The following ELMO1 variants were observed in gnomAD, a reference collection of about 807,000 sequenced individuals.
ELMO1 encodes the protein engulfment and cell motility 1.
Under a neutral mutation model 98.9 loss-of-function variants are expected in ELMO1, and 26 were observed. The observed-to-expected ratio is 0.26, with a 90% CI of 0.19 to 0.36. The LOEUF is 0.36. Among genes scored for constraint, ELMO1 ranks in the 10% least tolerant of loss-of-function variants. The pLI, the probability that ELMO1 is intolerant of heterozygous loss-of-function variation, is 1.00. For missense variants in ELMO1, 627 were observed against 935.2 expected, an observed-to-expected ratio of 0.67 and a Z score of 4.30; for synonymous variants, 346 against 346.0, an observed-to-expected ratio of 1.00 and a Z score of 0.00.
At chr7:36,876,556 T>C (rs1358129718) in intron 19 of ELMO1, among the ~76,000 whole-genome samples, 2 of 152,160 alleles carry the variant, frequency 1.3e-5, no homozygotes, top group African/African-American at 4.8e-5. Context: ...AAAACAGAGA[T>C]GGCTGGTCCC....
chr7:37,164,649 G>A (rs1459851650), intron 13 of ELMO1, among the ~76,000 whole-genome samples: 1 of 151,762 alleles, frequency 6.6e-6, no homozygotes, highest in Non-Finnish European at 1.5e-5. Context: ...GATAGTTGTA[G>A]ATATGTGGCA....
At chr7:37,333,387 T>C (rs1194791684) in intron 2 of ELMO1, among the ~76,000 whole-genome samples, 2 of 152,182 alleles carry the variant, frequency 1.3e-5, no homozygotes, top group Non-Finnish European at 1.5e-5. Context: ...AAGAGTGTCC[T>C]GAGTTGCCCG....
chr7:36,889,412 A>C (rs1401137885), intron 17 of ELMO1, among the ~76,000 whole-genome samples: 1 of 152,182 alleles, frequency 6.6e-6, no homozygotes, highest in East Asian at 1.9e-4. Flanking sequence ...CTGAGTGGAA[A>C]AGAAAGTGGG....
chr7:37,397,201 C>A (rs1185725807), intron 1 of ELMO1, among the ~76,000 whole-genome samples: 4 of 152,214 alleles, frequency 2.6e-5, no homozygotes, highest in African/African-American at 9.6e-5. Context: ...ATAAGACCCA[C>A]AAAAAACTTA....
intron 16 of ELMO1, among the ~76,000 whole-genome samples, chr7:36,970,180 A>AACACACAC (rs56928749): frequency 0.015 from 2,219 of 144,314 alleles, 55 homozygotes; most frequent in African/African-American, 0.052. Flanking sequence ...TCATACACTT[A>AACACACAC]ACACACACAC....
rs560079780 is a variant in ELMO1, at chr7:37,342,824, T to G, written c.-73-61A>C. 2.6e-4 allele frequency: 209 copies of G among 803,476 alleles called. No homozygotes were observed. In the African/African-American group the frequency reaches 3.5e-3, roughly 14 times the overall value. 49.8% of individuals were successfully genotyped at this position (803,476 alleles called of 1,614,324 possible). A position where few individuals can be genotyped will look rare whatever the true frequency, so the allele number is the denominator to read the frequency against. On this transcript the variant is annotated intron_variant, in intron 1 of 21. Transcript: ENST00000310758. This position sits in a 1 kb window ranked among gnomAD's most constrained non-coding sequence, Gnocchi z 4.3. ...CTCAGTGCAGATGCAGGGTGAATTT[T>G]GCTTCATCACTTCCTGTTTTCACTG...
chr7:37,024,217 C>T (rs1048778089), intron 15 of ELMO1, among the ~76,000 whole-genome samples: 4 of 152,194 alleles, frequency 2.6e-5, no homozygotes, highest in African/African-American at 4.8e-5. Flanking sequence ...TGGATCCTGG[C>T]ACTGCCACTT....
rs111751602 is a variant in ELMO1, at chr7:37,442,450, T to G, written c.-74+6225A>C. Among the ~76,000 whole-genome samples, 603 of 152,302 alleles carry G rather than the reference T, an allele frequency of 4.0e-3. 6 individuals carry two copies. The highest frequency in any genetic ancestry group is 0.014 in the African/African-American group (580 of 41,570). Reference sequence around the variant, plus strand: ...TATATTCCCCTTCCAACTGGTTCCTTCCCAGGTGGTTCCATGCTTTTGCCT... The same window carrying G: ...TATATTCCCCTTCCAACTGGTTCCTGCCCAGGTGGTTCCATGCTTTTGCCT... On this transcript the variant is annotated intron_variant, in intron 1 of 21. Transcript: ENST00000310758.
intron 14 of ELMO1, among the ~76,000 whole-genome samples, chr7:37,106,501 C>A (rs1784955823): frequency 6.6e-6 from 1 of 152,088 alleles, no homozygotes; most frequent in South Asian, 2.1e-4. Flanking sequence ...CCCGCTGATG[C>A]CTTAATCTTG....
chr7:37,200,839 C>T (rs998493840), intron 13 of ELMO1, among the ~76,000 whole-genome samples: 1 of 151,412 alleles, frequency 6.6e-6, no homozygotes, highest in Non-Finnish European at 1.5e-5. Context: ...TGGTGGTGAG[C>T]GCCTGTGGTC....
intron 1 of ELMO1, among the ~76,000 whole-genome samples, chr7:37,425,539 G>A (rs1461688682): frequency 1.3e-5 from 2 of 152,302 alleles, no homozygotes; most frequent in South Asian, 4.1e-4. Context: ...TTCCCAGCAT[G>A]CTTGGCACAT....
intron 8 of ELMO1, among the ~76,000 whole-genome samples, chr7:37,228,092 CTTTCT>C (rs934786499): frequency 2.0e-5 from 3 of 152,086 alleles, no homozygotes; most frequent in Non-Finnish European, 4.4e-5. Flanking sequence ...AACTTAACTT[CTTTCT>C]TTTGTTTTAT....
intron 16 of ELMO1, chr7:37,002,011 T>C (rs1030825023): frequency 6.6e-6 from 1 of 152,230 alleles, no homozygotes; most frequent in Non-Finnish European, 1.5e-5. Context: ...TCAGCTATTG[T>C]CATGTTAATG....
At chr7:37,412,124 T>C (rs1473872628) in intron 1 of ELMO1, among the ~76,000 whole-genome samples, 1 of 152,218 alleles carries the variant, frequency 6.6e-6, no homozygotes, top group Non-Finnish European at 1.5e-5. Context: ...AAACTATGTG[T>C]TTATAATTCA....
chr7:36,955,810 C>A (rs1788395512), intron 16 of ELMO1, among the ~76,000 whole-genome samples: 1 of 152,164 alleles, frequency 6.6e-6, no homozygotes, highest in Non-Finnish European at 1.5e-5. Flanking sequence ...CATTCCTATC[C>A]AAAATGGGTG....
intron 15 of ELMO1, among the ~76,000 whole-genome samples, chr7:37,070,680 T>C (rs570046388): frequency 6.6e-6 from 1 of 152,204 alleles, no homozygotes; most frequent in Non-Finnish European, 1.5e-5. Flanking sequence ...TAGTGAAAGA[T>C]GACATGATGG....
At chr7:37,315,985 A>G (rs1420097139) in intron 2 of ELMO1, 25 bp from the exon 3 acceptor site, 3 of 1,308,488 alleles carry the variant, frequency 2.3e-6, no homozygotes, top group Non-Finnish European at 3.0e-6. Context: ...AAAAGGAAAT[A>G]CTTGTTAGTT....
At chr7:37,348,578 T>C (rs1562634811) in intron 1 of ELMO1, among the ~76,000 whole-genome samples, 1 of 152,162 alleles carries the variant, frequency 6.6e-6, no homozygotes, top group Admixed American at 6.5e-5. Flanking sequence ...CTTCTAGAGT[T>C]AGGTACTGAA....
intron 19 of ELMO1, among the ~76,000 whole-genome samples, chr7:36,872,022 ATTAC>A (rs1301055050): frequency 6.6e-6 from 1 of 152,196 alleles, no homozygotes; most frequent in African/African-American, 2.4e-5. Flanking sequence ...TCTGGTAGAC[ATTAC>A]TTGTAGTTAT....
Sources: allele counts gnomAD v4.1 joint callset (sites outside exome capture counted in the v4.1 genomes callset), GRCh38; gene constraint gnomAD v4.1.1; non-coding constraint Gnocchi (gnomAD v3.1); transcripts MANE v1.5; gene names NCBI Gene and HGNC (gene_info 2026-07-23, HGNC 2026-07-21).